The following MAP3K7 variants were observed in gnomAD, a reference collection of about 807,000 sequenced individuals.
MAP3K7 encodes the protein TGF-beta activated kinase 1.
MAP3K7 carries 21 observed loss-of-function variants against 84.8 expected under a neutral mutation model. That is an observed-to-expected ratio of 0.25 (90% CI 0.18 to 0.36). The LOEUF (loss-of-function observed/expected upper bound fraction) is 0.36, where lower values mean the gene tolerates loss of function less well. Among genes scored for constraint, MAP3K7 ranks in the 10% least tolerant of loss-of-function variants. The pLI is 1.00. For synonymous variants in MAP3K7, 241 were observed against 247.7 expected, an observed-to-expected ratio of 0.97 and a Z score of 0.25; for missense variants, 503 against 747.7, an observed-to-expected ratio of 0.67 and a Z score of 3.82.
intron 8 of MAP3K7, chr6:90,550,762 T>C (rs1272874478): frequency 2.5e-6 from 1 of 396,370 alleles, no homozygotes; most frequent in Non-Finnish European, 4.5e-6. Flanking sequence ...CTAGATAGTC[T>C]TGAAGAAAAC....
intron 12 of MAP3K7, among the ~76,000 whole-genome samples, chr6:90,540,290 C>T (rs954542315): frequency 1.3e-5 from 2 of 151,782 alleles, no homozygotes; most frequent in Non-Finnish European, 2.9e-5. Flanking sequence ...ACAAAAGGTA[C>T]ACTAAAGCAA....
At chr6:90,556,701 T>A (rs879299152) in intron 5 of MAP3K7, 77 bp from the exon 6 acceptor site, 1 of 1,423,138 alleles carries the variant, frequency 7.0e-7, no homozygotes, top group Admixed American at 2.4e-5. Flanking sequence ...GAGACATTTG[T>A]GGAAATGGAA....
intron 12 of MAP3K7, among the ~76,000 whole-genome samples, chr6:90,540,339 A>G (rs1451207587): frequency 6.6e-6 from 1 of 151,886 alleles, no homozygotes; most frequent in Non-Finnish European, 1.5e-5. Context: ...CTTCAAGGCA[A>G]TGTTCATCTA....
Position 90,542,655 on chromosome 6 carries a change from T to C in MAP3K7, c.1291+1897A>G, listed in dbSNP as rs1267380962. On this transcript the variant is annotated intron_variant, in intron 12 of 16. Coordinates refer to ENST00000369329, the MANE Select transcript of MAP3K7 (RefSeq NM_145331.3). Reference sequence around the variant, plus strand: ...GGCTATATGATTCTGGAAAAACCACTAAACATCATCAGATCTAAGTTCTTC... The same window carrying C: ...GGCTATATGATTCTGGAAAAACCACCAAACATCATCAGATCTAAGTTCTTC... The C allele has an allele frequency of 2.4e-5, 4 of 163,702 alleles. No homozygotes were observed. In the Admixed American group the frequency reaches 2.6e-4, roughly 11 times the overall value. The allele number at this position is 163,702 out of a possible 1,614,324, so 10.1% of individuals were successfully genotyped here.
At chr6:90,548,266 C>A in intron 9 of MAP3K7, 89 bp from the exon 10 acceptor site, 1 of 1,107,592 alleles carries the variant, frequency 9.0e-7, no homozygotes, top group Non-Finnish European at 1.3e-6. Context: ...CTTTTATAAA[C>A]TAGCCAGGCA....
chr6:90,570,678 C>T (rs1776871738), intron 2 of MAP3K7, among the ~76,000 whole-genome samples: 1 of 152,152 alleles, frequency 6.6e-6, no homozygotes, highest in African/African-American at 2.4e-5. Flanking sequence ...ACATTACATG[C>T]ACATCTCATC....
At chr6:90,533,532 C>A (rs906537273) in intron 13 of MAP3K7, among the ~76,000 whole-genome samples, 3 of 152,130 alleles carry the variant, frequency 2.0e-5, no homozygotes, top group African/African-American at 7.2e-5. Context: ...GGAGGGCAGT[C>A]CAGAGTGAGG....
chr6:90,537,356 T>C (rs1251029160), intron 12 of MAP3K7: 7 of 152,030 alleles, frequency 4.6e-5, no homozygotes, highest in Non-Finnish European at 5.9e-5. Context: ...TCCCGATTAG[T>C]AGACAGAATT....
At chr6:90,527,052 A>C (rs1775344594) in intron 13 of MAP3K7, among the ~76,000 whole-genome samples, 1 of 152,210 alleles carries the variant, frequency 6.6e-6, no homozygotes. Flanking sequence ...AAAACCATTT[A>C]AAAAGTTTAG....
At position 90,515,976 on chromosome 6, in the gene MAP3K7, A is replaced by G. The variant is rs1774945811; in HGVS notation, c.*525T>C. The G allele has an allele frequency of 6.4e-6, 1 of 156,838 alleles. No individual in the cohort carries two copies. The highest frequency in any genetic ancestry group is 2.0e-4 in the South Asian group (1 of 5,112). 9.7% of individuals were successfully genotyped at this position (156,838 alleles called of 1,614,324 possible). ...AGGATGCTGGCATCAAAGCCCTTAC[A>G]CGGAACTATCCCTAAAGGTTCCGTA... On this transcript the variant is annotated 3_prime_UTR_variant, in exon 17 of 17. Transcript: ENST00000369329.
At chr6:90,562,431 G>A (rs1466857623) in intron 3 of MAP3K7, among the ~76,000 whole-genome samples, 1 of 152,186 alleles carries the variant, frequency 6.6e-6, no homozygotes, top group Non-Finnish European at 1.5e-5. Flanking sequence ...ATTATATCCT[G>A]CACCTGGCTC....
intron 12 of MAP3K7, 81 bp from the exon 13 acceptor site, chr6:90,536,482 G>A: frequency 1.1e-6 from 1 of 908,074 alleles, no homozygotes. Flanking sequence ...GCAGAAAGTT[G>A]GAATTTGTTG....
intron 14 of MAP3K7, among the ~76,000 whole-genome samples, chr6:90,520,574 A>G: frequency 6.6e-6 from 1 of 152,120 alleles, no homozygotes; most frequent in South Asian, 2.1e-4. Context: ...GGAGAATTAG[A>G]AAGAACAATT....
At chr6:90,549,067 A>C (rs1450925680) in intron 9 of MAP3K7, among the ~76,000 whole-genome samples, 1 of 152,132 alleles carries the variant, frequency 6.6e-6, no homozygotes, top group African/African-American at 2.4e-5. Flanking sequence ...GTAGAAAGCT[A>C]AAACTGATGA....
chr6:90,574,214 GT>G (rs1776997821), intron 1 of MAP3K7, among the ~76,000 whole-genome samples: 1 of 152,178 alleles, frequency 6.6e-6, no homozygotes, highest in Non-Finnish European at 1.5e-5. Context: ...ACAAAGAACA[GT>G]AAGTGCTTGG....
In MAP3K7 at chr6:90,579,866, C is replaced by T. The variant is rs571763896; in HGVS notation, c.120+6898G>A. 1.4e-4 allele frequency among the ~76,000 whole-genome samples: 22 copies of T among 152,166 alleles called. No homozygotes were observed. The South Asian group carries it at 4.4e-3, about 30-fold the overall frequency. On this transcript the variant is annotated intron_variant, in intron 1 of 16. Coordinates refer to ENST00000369329, the MANE Select transcript of MAP3K7 (RefSeq NM_145331.3). ...AGTGTTTTGTTTTACCAGTGGGAGA[C>T]AGACAAACAAAAAATTGTGGACACC...
chr6:90,561,037 A>G (rs1363502444), intron 4 of MAP3K7, among the ~76,000 whole-genome samples: 1 of 152,190 alleles, frequency 6.6e-6, no homozygotes, highest in African/African-American at 2.4e-5. Flanking sequence ...TATAAGTAAA[A>G]GTTTACATAA....
chr6:90,535,850 G>A (rs1775652413), intron 13 of MAP3K7, among the ~76,000 whole-genome samples: 1 of 152,046 alleles, frequency 6.6e-6, no homozygotes, highest in Non-Finnish European at 1.5e-5. Context: ...TTATCTTAAG[G>A]ATATTTGAAA....
intron 14 of MAP3K7, among the ~76,000 whole-genome samples, chr6:90,521,658 A>T (rs1190946159): frequency 6.6e-6 from 1 of 152,080 alleles, no homozygotes; most frequent in Non-Finnish European, 1.5e-5. Context: ...CATGTCTTAC[A>T]CTTTATATTA....
Sources: allele counts gnomAD v4.1 joint callset (sites outside exome capture counted in the v4.1 genomes callset), GRCh38; gene constraint gnomAD v4.1.1; transcripts MANE v1.5; gene names NCBI Gene and HGNC (gene_info 2026-07-23, HGNC 2026-07-21).